NFASC: variants seen among roughly 807,000 people sequenced by gnomAD.
The protein encoded by NFASC is neurofascin, also known as neurofascin homolog.
NFASC carries 43 observed loss-of-function variants against 147.5 expected under a neutral mutation model. The observed-to-expected ratio is 0.29, with a 90% CI of 0.23 to 0.38. The LOEUF (loss-of-function observed/expected upper bound fraction) is 0.38, where lower values mean the gene tolerates loss of function less well. NFASC is among the 10% of genes least tolerant of loss of function. The pLI is 1.00. For synonymous variants in NFASC, 622 were observed against 665.5 expected (o/e 0.93, Z 1.01); for missense variants, 1,320 against 1,689.0 (o/e 0.78, Z 3.83).
chr1:204,879,451 C>G (rs1308471271), intron 1 of NFASC, among the ~76,000 whole-genome samples: 1 of 152,174 alleles, frequency 6.6e-6, no homozygotes, highest in Non-Finnish European at 1.5e-5. Context: ...AGGTGGAACC[C>G]ATGGACTTTG....
At chr1:204,989,264 C>T (rs572674644) in intron 23 of NFASC, 59 of 178,510 alleles carry the variant, frequency 3.3e-4, no homozygotes, top group Non-Finnish European at 5.7e-4. Context: ...GGGAAACCGT[C>T]AGGATGACGC....
At position 204,980,423 on chromosome 1, in the gene NFASC, A is replaced by C. The variant is rs1026873139; in HGVS notation, c.2230A>C (p.Met744Leu). The C allele has an allele frequency of 2.5e-6, 4 of 1,613,246 alleles. No individual in the cohort carries two copies. Among genetic ancestry groups the C allele is most frequent in the Non-Finnish European group, 3.4e-6 (4 of 1,179,584 alleles). ...GGGAGAGGGGACCAGAAAGAACAAC[A>C]TGGAGATCACGTGGACGGTAAGAGG... ...VKGEGTRKNN[M>L]EITWTPMNAT... The change falls in exon 20 of 30, where the codon ATG becomes CTG. Residue 744 changes from methionine to leucine, a missense_variant. Around this residue, in one of 3 missense-constraint regions of NFASC, gnomAD observed 981 missense variants for 1,289.5 expected, o/e 0.76. Coordinates refer to ENST00000339876, the MANE Select transcript of NFASC (RefSeq NM_001005388.3).
chr1:204,898,053 A>T (rs1490234648), intron 1 of NFASC, among the ~76,000 whole-genome samples: 2 of 144,628 alleles, frequency 1.4e-5, no homozygotes, highest in African/African-American at 2.6e-5. Flanking sequence ...GCTAATTTTT[A>T]AAAATTGTTT....
Position 204,974,805 on chromosome 1 carries a change from G to C in NFASC, c.1540G>C (p.Val514Leu). The C allele has an allele frequency of 6.2e-7, 1 of 1,614,166 alleles. No individual in the cohort carries two copies. Among genetic ancestry groups the C allele is most frequent in the East Asian group, 2.2e-5 (1 of 44,888 alleles). Residue 514 changes from valine to leucine, a missense_variant, in exon 14 of 30, where the codon GTC becomes CTC. By Grantham distance (32) the Val-to-Leu change is conservative. Transcript: ENST00000339876. Reference sequence around the variant, plus strand: ...CATCCTGGGCAAAGCTGAAAACCAAGTCCGCCTGGAGGTCAAAGGTAAAGG... The same window carrying C: ...CATCCTGGGCAAAGCTGAAAACCAACTCCGCCTGGAGGTCAAAGGTAAAGG... ...TNILGKAENQ[V>L]RLEVKDPTRI... is the part of the protein sequence containing the mutation.
chr1:204,950,956 C>T (rs183613090), intron 4 of NFASC, among the ~76,000 whole-genome samples: 8 of 152,156 alleles, frequency 5.3e-5, no homozygotes, highest in South Asian at 4.1e-4. Context: ...ATAGTTTGGC[C>T]GTTTGTTGAG....
chr1:204,877,435 G>A (rs565199550), intron 1 of NFASC, among the ~76,000 whole-genome samples: 3 of 152,148 alleles, frequency 2.0e-5, no homozygotes, highest in East Asian at 3.9e-4. Context: ...AATGGAACAG[G>A]CAGGCAGTTG....
At chr1:205,001,752 C>T (rs1038088560) in intron 26 of NFASC, among the ~76,000 whole-genome samples, 12 of 152,332 alleles carry the variant, frequency 7.9e-5, no homozygotes, top group African/African-American at 2.6e-4. Flanking sequence ...CCATTTGTCC[C>T]AGCTGGTGGC....
intron 1 of NFASC, among the ~76,000 whole-genome samples, chr1:204,895,760 A>G (rs1247547116): frequency 6.6e-6 from 1 of 152,174 alleles, no homozygotes; most frequent in Admixed American, 6.5e-5. Flanking sequence ...TCAGTGCTGT[A>G]TTTCCAAACC....
At chr1:204,903,578 G>T (rs1357698334) in intron 1 of NFASC, among the ~76,000 whole-genome samples, 1 of 152,148 alleles carries the variant, frequency 6.6e-6, no homozygotes, top group Admixed American at 6.5e-5. Context: ...CAGGAGCTTG[G>T]CTCTCATTGG....
chr1:204,915,489 G>T (rs1470697773), intron 1 of NFASC, among the ~76,000 whole-genome samples: 1 of 152,112 alleles, frequency 6.6e-6, no homozygotes, highest in Non-Finnish European at 1.5e-5. Flanking sequence ...GTTGGCCAGG[G>T]ACAGGGTATG....
intron 27 of NFASC, among the ~76,000 whole-genome samples, chr1:205,004,465 C>T (rs545342282): frequency 1.6e-4 from 25 of 152,232 alleles, no homozygotes; most frequent in Non-Finnish European, 3.2e-4. Flanking sequence ...GCAAGTCTTC[C>T]CAGACTCCTC....
rs571579432 is a variant in NFASC, at chr1:204,859,078, A to G, written c.-200+30296A>G. Among the ~76,000 whole-genome samples the G allele has an allele frequency of 3.3e-5, 5 of 149,894 alleles. No homozygotes were observed. The East Asian group carries it at 9.9e-4, about 30-fold the overall frequency. ...CTGCAGCCTCTGCCTCCCGGGTGCC[A>G]GCGATTCTCCTACCTCAGTCTCTTG... On this transcript the variant is annotated intron_variant, in intron 1 of 29. Transcript: ENST00000339876.
chr1:204,925,307 CAG>C (rs1009698884), intron 2 of NFASC, among the ~76,000 whole-genome samples: 1 of 152,212 alleles, frequency 6.6e-6, no homozygotes, highest in Admixed American at 6.5e-5. Context: ...CATAAGAAAA[CAG>C]AGAGAGAGAA....
chr1:204,931,440 A>G (rs755917172), intron 2 of NFASC, among the ~76,000 whole-genome samples: 56 of 152,168 alleles, frequency 3.7e-4, no homozygotes, highest in Non-Finnish European at 8.8e-5. Flanking sequence ...TGAGTTTTGC[A>G]TTGGCTCTGT....
chr1:204,906,897 A>T (rs948861017), intron 1 of NFASC, among the ~76,000 whole-genome samples: 3 of 152,024 alleles, frequency 2.0e-5, no homozygotes, highest in Admixed American at 2.0e-4. Flanking sequence ...GTTAGCCAGG[A>T]TGGTCTGCAT....
intron 1 of NFASC, among the ~76,000 whole-genome samples, chr1:204,849,672 G>T (rs533602062): frequency 6.6e-6 from 1 of 152,254 alleles, no homozygotes; most frequent in South Asian, 2.1e-4. Context: ...CCAAACCCAG[G>T]TCTGCAGCCC....
rs1205905060 is a variant in NFASC, at chr1:204,968,055, C to T, written c.707-194C>T. 1.8e-6 allele frequency: 1 copy of T among 556,664 alleles called. No individual in the cohort carries two copies. The highest frequency in any genetic ancestry group is 3.2e-6 in the Non-Finnish European group (1 of 309,146). 34.5% of individuals were successfully genotyped at this position (556,664 alleles called of 1,614,324 possible). ...TTCAGAACCTAGAGCTCCTCTCTCT[C>T]ATGTAGGTGGGGCTGAGGAGCCCTG... is the stretch of plus-strand genomic sequence containing the variant. On this transcript the variant is annotated intron_variant, in intron 8 of 29. Transcript: ENST00000339876. This position sits in a 1 kb window ranked among gnomAD's most constrained non-coding sequence, Gnocchi z 5.4.
rs757980009 is a variant in NFASC at position 204,974,638 on chromosome 1, TCTG to T, written c.1392-13_1392-11del. The T allele has an allele frequency of 9.9e-6, 16 of 1,614,150 alleles. No homozygotes were observed. In the Admixed American group the frequency reaches 2.5e-4, roughly 25 times the overall value. ...GGTCCTGTCTCAGGATGCTGTGTGT[TCTG>T]CTGCTCTGTTGTGAGGTTTAAGAAT... On this transcript the variant is annotated splice_polypyrimidine_tract_variant and intron_variant, in intron 13 of 29. Coordinates refer to ENST00000339876, the MANE Select transcript of NFASC (RefSeq NM_001005388.3).
At chr1:204,884,781 C>A (rs962526431) in intron 1 of NFASC, among the ~76,000 whole-genome samples, 1 of 152,138 alleles carries the variant, frequency 6.6e-6, no homozygotes, top group Non-Finnish European at 1.5e-5. Context: ...ATCACCATCA[C>A]CATCACCACG....
Sources: gnomAD v4.1 joint callset for allele counts (sites outside exome capture counted in the v4.1 genomes callset) on GRCh38, gnomAD v4.1.1 for gene constraint, gnomAD v4.1.1 regional missense constraint, Gnocchi (gnomAD v3.1) non-coding constraint, MANE v1.5 for transcripts, NCBI Gene and HGNC (gene_info 2026-07-23, HGNC 2026-07-21) for gene names.